Variants in GALNT13 observed in about 807,000 individuals in gnomAD.
GALNT13 encodes the protein polypeptide N-acetylgalactosaminyltransferase 13.
Under a neutral mutation model 64.2 loss-of-function variants are expected in GALNT13, and 28 were observed. The ratio of observed to expected loss-of-function variants is 0.44; its 90% confidence interval spans 0.32 to 0.60. The LOEUF (loss-of-function observed/expected upper bound fraction) is 0.60. Ranked by LOEUF, GALNT13 falls within the 20% of genes least tolerant of loss-of-function variation. The probability of loss-of-function intolerance (pLI) is 0.05; values close to 1 mark genes in which losing one functional copy is unlikely to be tolerated. For missense variants in GALNT13, 577 were observed against 669.8 expected (o/e 0.86, Z 1.53); for synonymous variants, 214 against 224.6 (o/e 0.95, Z 0.42).
At chr2:154,096,051 A>G (rs763314493) in intron 3 of GALNT13, among the ~76,000 whole-genome samples, 12 of 152,134 alleles carry the variant, frequency 7.9e-5, no homozygotes, top group Non-Finnish European at 1.3e-4. Context: ...TAATGCCAAC[A>G]TATATGTATG....
chr2:153,622,631 A>C, the GALNT13 span, among the ~76,000 whole-genome samples: 2 of 152,180 alleles, frequency 1.3e-5, no homozygotes, highest in African/African-American at 4.8e-5. Context: ...AGGAGTTCAA[A>C]TATTTCAGTA....
chr2:153,865,141 C>G, the GALNT13 span, among the ~76,000 whole-genome samples: 27 of 118,064 alleles, frequency 2.3e-4, no homozygotes, highest in African/African-American at 8.2e-4. Flanking sequence ...CTTCCTTACA[C>G]CTTATACAAA....
the GALNT13 span, among the ~76,000 whole-genome samples, chr2:153,129,556 C>T: frequency 2.0e-4 from 31 of 152,206 alleles, no homozygotes; most frequent in Middle Eastern, 0.014. Context: ...GAGCAGATCA[C>T]GAGGTCAAGA....
the GALNT13 span, among the ~76,000 whole-genome samples, chr2:153,697,048 T>C: frequency 2.0e-5 from 3 of 152,072 alleles, no homozygotes; most frequent in Non-Finnish European, 1.5e-5. Flanking sequence ...GAAGCCTTTA[T>C]GTGTTTCCCT....
intron 4 of GALNT13, among the ~76,000 whole-genome samples, chr2:154,149,021 G>A (rs7422999): frequency 6.6e-6 from 1 of 152,104 alleles, no homozygotes; most frequent in Non-Finnish European, 1.5e-5. Flanking sequence ...GTGCTGAATG[G>A]TAATGCCTAG....
the GALNT13 span, among the ~76,000 whole-genome samples, chr2:153,479,095 C>T: frequency 2.0e-5 from 3 of 152,202 alleles, no homozygotes; most frequent in Admixed American, 6.5e-5. Context: ...AGGGTGCGGT[C>T]AGCTGAAAGT....
chr2:153,222,141 G>C, the GALNT13 span, among the ~76,000 whole-genome samples: 2 of 152,136 alleles, frequency 1.3e-5, no homozygotes, highest in Admixed American at 1.3e-4. Context: ...GAGCCAGGCA[G>C]AGAGGAGTTT....
chr2:153,630,789 ATATATATATATATATATATTTTTTTT>A, the GALNT13 span, among the ~76,000 whole-genome samples: 2 of 12,374 alleles, frequency 1.6e-4, no homozygotes, highest in South Asian at 3.8e-3. Flanking sequence ...ATATATATAT[ATATATATATATATATATATTTTTTTT>A]TTTTTTTTTA....
At chr2:154,286,771 G>T (rs1431598488) in intron 8 of GALNT13, 4 of 325,994 alleles carry the variant, frequency 1.2e-5, no homozygotes, top group African/African-American at 2.1e-5. Flanking sequence ...CATGCCATGG[G>T]TACAGAAACC....
At chr2:153,642,643 C>T in the GALNT13 span, among the ~76,000 whole-genome samples, 2 of 151,724 alleles carry the variant, frequency 1.3e-5, no homozygotes, top group African/African-American at 2.4e-5. Flanking sequence ...ACAAATTCAC[C>T]ATTATGAAGA....
the GALNT13 span, among the ~76,000 whole-genome samples, chr2:153,385,223 A>G: frequency 6.6e-6 from 1 of 152,100 alleles, no homozygotes; most frequent in Non-Finnish European, 1.5e-5. Flanking sequence ...TATCAAACAG[A>G]TATCTGCACA....
At chr2:153,655,176 C>A in the GALNT13 span, among the ~76,000 whole-genome samples, 3 of 152,050 alleles carry the variant, frequency 2.0e-5, no homozygotes, top group African/African-American at 7.2e-5. Context: ...TTAGGAAAAG[C>A]ACAGGTTTAG....
At chr2:153,839,795 T>C in the GALNT13 span, among the ~76,000 whole-genome samples, 1 of 151,962 alleles carries the variant, frequency 6.6e-6, no homozygotes, top group African/African-American at 2.4e-5. Flanking sequence ...ATCTTTCTAT[T>C]TGAAACCACT....
At chr2:153,350,535 A>G in the GALNT13 span, among the ~76,000 whole-genome samples, 7 of 151,894 alleles carry the variant, frequency 4.6e-5, 1 homozygote, top group East Asian at 1.2e-3. Context: ...GGCATCCGCC[A>G]CCATATCTGG....
intron 12 of GALNT13, chr2:154,446,656 G>A (rs1574328186): frequency 6.5e-7 from 1 of 1,548,772 alleles, no homozygotes; most frequent in African/African-American, 1.4e-5. Flanking sequence ...GTGGAAACCT[G>A]TAATGATAGC....
At chr2:153,328,547 C>T in the GALNT13 span, among the ~76,000 whole-genome samples, 3 of 152,092 alleles carry the variant, frequency 2.0e-5, no homozygotes, top group Admixed American at 6.6e-5. Context: ...AGTGGCTTTG[C>T]CATGCTTTGG....
the GALNT13 span, among the ~76,000 whole-genome samples, chr2:153,132,474 T>C: frequency 6.6e-6 from 1 of 152,156 alleles, no homozygotes; most frequent in Non-Finnish European, 1.5e-5. Flanking sequence ...ATGTTTTCAT[T>C]TGGAGGCAAT....
intron 3 of GALNT13, among the ~76,000 whole-genome samples, chr2:154,121,086 G>A (rs940366350): frequency 5.3e-5 from 8 of 152,174 alleles, no homozygotes; most frequent in African/African-American, 1.7e-4. Flanking sequence ...GTCTGGTATT[G>A]TGCCGACTTG....
intron 3 of GALNT13, among the ~76,000 whole-genome samples, chr2:154,133,097 A>G (rs759448221): frequency 6.6e-6 from 1 of 152,152 alleles, no homozygotes; most frequent in African/African-American, 2.4e-5. Flanking sequence ...ATCTAAACTA[A>G]ACGGTGAAAT....
Sources: gnomAD v4.1 joint callset for allele counts (sites outside exome capture counted in the v4.1 genomes callset) on GRCh38, gnomAD v4.1.1 for gene constraint, MANE v1.5 for transcripts, NCBI Gene and HGNC (gene_info 2026-07-23, HGNC 2026-07-21) for gene names.